Variants in MYOM1 observed in about 807,000 individuals in gnomAD.
The protein encoded by MYOM1 is myomesin 1, also known as myomesin-1.
A neutral mutation model predicts 205.3 loss-of-function variants in MYOM1; 164 were observed. The observed-to-expected ratio is 0.80, with a 90% CI of 0.70 to 0.91. The LOEUF (loss-of-function observed/expected upper bound fraction) is 0.91, where lower values mean the gene tolerates loss of function less well. MYOM1 is among the 40% of genes least tolerant of loss of function. The pLI, the probability that MYOM1 is intolerant of heterozygous loss-of-function variation, is 0.00. For synonymous variants in MYOM1, 772 were observed against 789.4 expected (o/e 0.98, Z 0.37); for missense variants, 2,011 against 2,127.3 (o/e 0.95, Z 1.08).
upstream of MYOM1, among the ~76,000 whole-genome samples, chr18:3,223,697 A>C (rs996881717): frequency 6.6e-6 from 1 of 152,198 alleles, no homozygotes; most frequent in South Asian, 2.1e-4. Context: ...TTCTGTGTGG[A>C]GCAATTTGTG....
intron 25 of MYOM1, among the ~76,000 whole-genome samples, chr18:3,098,203 A>G (rs1031057600): frequency 1.3e-5 from 2 of 151,948 alleles, no homozygotes; most frequent in African/African-American, 2.4e-5. Flanking sequence ...TAATGTTCAT[A>G]TTTTTCCTGA....
At chr18:3,080,935 C>T (rs962280369) in intron 33 of MYOM1, among the ~76,000 whole-genome samples, 3 of 151,972 alleles carry the variant, frequency 2.0e-5, no homozygotes, top group Admixed American at 6.6e-5. Context: ...AGTTTGAAAC[C>T]AGCCTGGCCA....
chr18:3,186,772 A>G (rs1001410724), intron 5 of MYOM1, among the ~76,000 whole-genome samples: 16 of 143,238 alleles, frequency 1.1e-4, no homozygotes, highest in African/African-American at 3.5e-4. Context: ...AAGGAAAGGA[A>G]GGAAGGAAGG....
At position 3,072,006 on chromosome 18, in the gene MYOM1, T is replaced by C. The variant is rs147722348; in HGVS notation, c.4709-117A>G. On this transcript the variant is annotated intron_variant, in intron 36 of 37. Transcript: ENST00000356443. ...AGTTTCCTTCTCCTGATAGTTCTTTTATACAGTTTTCAACATGCAAAAAAA... is the reference window on the plus strand; with the variant it reads ...AGTTTCCTTCTCCTGATAGTTCTTTCATACAGTTTTCAACATGCAAAAAAA... The C allele has an allele frequency of 5.6e-6, 5 of 896,806 alleles. No individual in the cohort carries two copies. The East Asian group carries it at 8.1e-5, about 14-fold the overall frequency. 55.6% of individuals were successfully genotyped at this position (896,806 alleles called of 1,614,324 possible). A position where few individuals can be genotyped will look rare whatever the true frequency, so the allele number is the denominator to read the frequency against.
In MYOM1 at chr18:3,090,658, C is replaced by T; in HGVS notation, c.4009G>A (p.Val1337Ile). The change falls in exon 27 of 38, where the codon GTT (valine) becomes ATT (isoleucine). Residue 1337 changes from valine to isoleucine, a missense_variant and splice_region_variant. Coordinates refer to ENST00000356443, the MANE Select transcript of MYOM1 (RefSeq NM_003803.4). ...GGTTAATGTTCCACGGAATTCTTAC[C>T]ATCTCCAACGAGAACAACAGTAGAA... ...NHSTVVLVGD[V>I]FKKLQKEAEF... 6.2e-7 allele frequency: 1 copy of T among 1,613,586 alleles called. No individual in the cohort carries two copies. Among genetic ancestry groups the T allele is most frequent in the South Asian group, 1.1e-5 (1 of 91,024 alleles).
At chr18:3,130,604 A>G (rs545679057) in intron 17 of MYOM1, among the ~76,000 whole-genome samples, 42 of 152,150 alleles carry the variant, frequency 2.8e-4, no homozygotes, top group South Asian at 1.9e-3. Context: ...GACATGCACC[A>G]CCATGCCTGG....
intron 9 of MYOM1, among the ~76,000 whole-genome samples, chr18:3,165,073 A>T: frequency 6.6e-6 from 1 of 152,230 alleles, no homozygotes; most frequent in East Asian, 1.9e-4. Context: ...TAAAAAAGTT[A>T]TATAGGCTAT....
intron 22 of MYOM1, among the ~76,000 whole-genome samples, chr18:3,105,893 A>G (rs1353613645): frequency 1.3e-5 from 2 of 152,128 alleles, no homozygotes; most frequent in African/African-American, 4.8e-5. Context: ...TTTTGTCTCA[A>G]TTGCCTCAGT....
At chr18:3,083,923 C>T (rs778104149) in intron 32 of MYOM1, 29 bp from the exon 33 acceptor site, 10 of 1,574,474 alleles carry the variant, frequency 6.4e-6, no homozygotes, top group African/African-American at 5.4e-5. Flanking sequence ...ATATTTCATA[C>T]ATCTGCATGC....
At chr18:3,157,972 C>G (rs2080325932) in intron 10 of MYOM1, among the ~76,000 whole-genome samples, 1 of 151,892 alleles carries the variant, frequency 6.6e-6, no homozygotes, top group African/African-American at 2.4e-5. Flanking sequence ...GCCTACTACT[C>G]TTTATATTTT....
intron 34 of MYOM1, 83 bp downstream of exon 34, chr18:3,079,096 A>C: frequency 6.9e-7 from 1 of 1,446,648 alleles, no homozygotes; most frequent in Admixed American, 1.9e-5. Context: ...TACAGGCATA[A>C]GCCACCATGC....
chr18:3,158,224 T>C, intron 10 of MYOM1, among the ~76,000 whole-genome samples: 1 of 152,250 alleles, frequency 6.6e-6, no homozygotes, highest in East Asian at 1.9e-4. Context: ...TTGTACTATA[T>C]AGTTTCATGT....
chr18:3,229,174 G>A, the MYOM1 span, among the ~76,000 whole-genome samples: 2 of 151,944 alleles, frequency 1.3e-5, no homozygotes, highest in Non-Finnish European at 2.9e-5. Context: ...TTAGCCTCTC[G>A]GGCTCTTGTT....
chr18:3,133,965 G>T (rs998673885), intron 16 of MYOM1, among the ~76,000 whole-genome samples: 1 of 152,118 alleles, frequency 6.6e-6, no homozygotes, highest in Admixed American at 6.5e-5. Context: ...CAGGCTCAAG[G>T]AATTCTCCCA....
At chr18:3,177,158 G>A (rs2080652885) in intron 5 of MYOM1, among the ~76,000 whole-genome samples, 4 of 151,846 alleles carry the variant, frequency 2.6e-5, no homozygotes, top group Admixed American at 2.6e-4. Flanking sequence ...AGAATAGCTT[G>A]AGCCTGAGAG....
rs577248034 is a variant in MYOM1 at position 3,071,726 on chromosome 18, T to G, written c.4764+108A>C. 29 of 1,063,464 alleles carry G rather than the reference T, an allele frequency of 2.7e-5. No individual in the cohort carries two copies. The African/African-American group carries it at 4.1e-4, about 15-fold the overall frequency. The allele number at this position is 1,063,464 out of a possible 1,614,324, so 65.9% of individuals were successfully genotyped here. On this transcript the variant is annotated intron_variant, in intron 37 of 37. Coordinates refer to ENST00000356443, the MANE Select transcript of MYOM1 (RefSeq NM_003803.4). ...AAGTATAAGCAGCTATGGAGTACGATGAAGGTGGTGGGCTGTTAAGTGTGC... is the reference window on the plus strand; with the variant it reads ...AAGTATAAGCAGCTATGGAGTACGAGGAAGGTGGTGGGCTGTTAAGTGTGC...
At chr18:3,112,620 AGAGAG>A (rs1350780632) in intron 21 of MYOM1, among the ~76,000 whole-genome samples, 1 of 152,250 alleles carries the variant, frequency 6.6e-6, no homozygotes, top group Non-Finnish European at 1.5e-5. Flanking sequence ...ATCTGTAGAT[AGAGAG>A]GAGTTTCCAA....
At chr18:3,099,956 AG>A (rs2079355603) in intron 25 of MYOM1, among the ~76,000 whole-genome samples, 1 of 152,216 alleles carries the variant, frequency 6.6e-6, no homozygotes, top group African/African-American at 2.4e-5. Context: ...TTTCTATGTT[AG>A]TATCCTTGGT....
chr18:3,087,617 C>A (rs1255714575), intron 29 of MYOM1, among the ~76,000 whole-genome samples: 1 of 151,238 alleles, frequency 6.6e-6, no homozygotes, highest in Non-Finnish European at 1.5e-5. Flanking sequence ...AGCCTGCCAA[C>A]TAGCTGGAAC....
Sources: allele counts gnomAD v4.1 joint callset (sites outside exome capture counted in the v4.1 genomes callset), GRCh38; gene constraint gnomAD v4.1.1; transcripts MANE v1.5; gene names NCBI Gene and HGNC (gene_info 2026-07-23, HGNC 2026-07-21).